Variants in NOVA1 observed in about 807,000 individuals in gnomAD.
NOVA1 encodes RNA-binding protein Nova-1.
A neutral mutation model predicts 38.0 loss-of-function variants in NOVA1; 7 were observed. That is an observed-to-expected ratio of 0.18 (90% CI 0.10 to 0.35). The LOEUF is 0.35. Among genes scored for constraint, NOVA1 ranks in the 10% least tolerant of loss-of-function variants. The probability of loss-of-function intolerance (pLI) is 1.00; values close to 1 mark genes in which losing one functional copy is unlikely to be tolerated. For missense variants in NOVA1, 460 were observed against 616.0 expected (o/e 0.75, Z 2.68); for synonymous variants, 270 against 232.5 (o/e 1.16, Z -1.47).
At chr14:26,580,091 A>G (rs1735385320) in intron 2 of NOVA1, among the ~76,000 whole-genome samples, 1 of 152,032 alleles carries the variant, frequency 6.6e-6, no homozygotes, top group African/African-American at 2.4e-5. Flanking sequence ...AGCAAAAAAA[A>G]AAGCTTTAAA....
intron 4 of NOVA1, among the ~76,000 whole-genome samples, chr14:26,458,654 T>C (rs1307802876): frequency 1.3e-5 from 2 of 151,878 alleles, no homozygotes; most frequent in Non-Finnish European, 2.9e-5. Context: ...CAATAGACAC[T>C]GGGACTCCCA....
intron 1 of NOVA1, 37 bp downstream of exon 1, chr14:26,597,264 G>A (rs1478703916): frequency 4.9e-6 from 6 of 1,232,680 alleles, no homozygotes; most frequent in Middle Eastern, 3.1e-4. Context: ...CGGGCGGCGG[G>A]GGATGGGGCC....
At chr14:26,595,354 A>C in intron 2 of NOVA1, 56 bp downstream of exon 2, 1 of 1,541,852 alleles carries the variant, frequency 6.5e-7, no homozygotes, top group Non-Finnish European at 8.8e-7. Flanking sequence ...CAACACAAGT[A>C]GATCTTTCTT....
intron 2 of NOVA1, among the ~76,000 whole-genome samples, chr14:26,564,493 T>C (rs555770773): frequency 2.6e-5 from 4 of 152,286 alleles, no homozygotes; most frequent in Non-Finnish European, 5.9e-5. Flanking sequence ...CTGGAGTTCA[T>C]GTGGATACTA....
chr14:26,560,440 A>T (rs178163), intron 2 of NOVA1, among the ~76,000 whole-genome samples: 141,715 of 152,158 alleles, frequency 0.93, 66,778 homozygotes, highest in East Asian at 1. Flanking sequence ...GTAACAGCAG[A>T]CTTCCTCAAT....
At chr14:26,541,153 G>T (rs7152361) in intron 2 of NOVA1, among the ~76,000 whole-genome samples, 219 of 152,192 alleles carry the variant, frequency 1.4e-3, no homozygotes, top group African/African-American at 5.0e-3. Context: ...TTCTGATTTG[G>T]GTTTTCAGGC....
At chr14:26,491,313 G>C (rs1349860248) in intron 2 of NOVA1, among the ~76,000 whole-genome samples, 1 of 152,072 alleles carries the variant, frequency 6.6e-6, no homozygotes, top group Non-Finnish European at 1.5e-5. Context: ...TATTCGTTGA[G>C]TTTTAGGAGT....
At chr14:26,555,314 A>G (rs1367109693) in intron 2 of NOVA1, among the ~76,000 whole-genome samples, 1 of 152,122 alleles carries the variant, frequency 6.6e-6, no homozygotes, top group Non-Finnish European at 1.5e-5. Context: ...TTAAGGTATC[A>G]GTATTTTACA....
intron 2 of NOVA1, among the ~76,000 whole-genome samples, chr14:26,553,134 T>C (rs1448247291): frequency 1.3e-5 from 2 of 152,184 alleles, no homozygotes; most frequent in Non-Finnish European, 2.9e-5. Flanking sequence ...ATAAAACTAC[T>C]AGGCAAGACA....
intron 2 of NOVA1, among the ~76,000 whole-genome samples, chr14:26,566,901 C>A (rs986216151): frequency 6.6e-6 from 1 of 152,092 alleles, no homozygotes; most frequent in Non-Finnish European, 1.5e-5. Context: ...AGAAATCAAT[C>A]CTTAGACAAA....
intron 2 of NOVA1, among the ~76,000 whole-genome samples, chr14:26,532,181 T>G (rs1889764515): frequency 6.6e-6 from 1 of 152,182 alleles, no homozygotes; most frequent in Non-Finnish European, 1.5e-5. Flanking sequence ...ATACCATTCC[T>G]AAGTATTTAC....
intron 2 of NOVA1, among the ~76,000 whole-genome samples, chr14:26,522,407 T>A (rs73601910): frequency 0.018 from 2,710 of 152,226 alleles, 72 homozygotes; most frequent in African/African-American, 0.062. Context: ...CAACAGGAAG[T>A]GTAACCTGTG....
chr14:26,460,213 GTTGA>G (rs894147838), intron 4 of NOVA1, among the ~76,000 whole-genome samples: 2 of 151,778 alleles, frequency 1.3e-5, no homozygotes, highest in Non-Finnish European at 2.9e-5. Flanking sequence ...GTAATGGGAG[GTTGA>G]TTATTTACTA....
Position 26,472,369 on chromosome 14 carries a change from G to A in NOVA1, c.470C>T (p.Thr157Ile). ...IKQTLPSSPT[T>I]TKSSPSDPMT... ...GGGATCAGATGGAGAGGACTTGGTG[G>A]TAGTTGGGGAAGATGGCAATGTCTG... is the stretch of plus-strand genomic sequence containing the variant. The change falls in exon 4 of 5, where the codon ACC becomes ATC. Residue 157 changes from threonine to isoleucine, a missense_variant. Coordinates refer to ENST00000539517, the MANE Select transcript of NOVA1 (RefSeq NM_002515.3). The A allele has an allele frequency of 1.9e-6, 3 of 1,555,330 alleles. No individual in the cohort carries two copies. Among genetic ancestry groups the A allele is most frequent in the Non-Finnish European group, 8.7e-7 (1 of 1,146,948 alleles).
At chr14:26,502,233 T>C (rs1015122502) in intron 2 of NOVA1, among the ~76,000 whole-genome samples, 5 of 151,912 alleles carry the variant, frequency 3.3e-5, no homozygotes, top group African/African-American at 9.7e-5. Context: ...GGATATTATA[T>C]GGATCATGTT....
At chr14:26,498,784 T>C (rs925304552) in intron 2 of NOVA1, among the ~76,000 whole-genome samples, 1 of 152,250 alleles carries the variant, frequency 6.6e-6, no homozygotes, top group Admixed American at 6.5e-5. Flanking sequence ...AAGAACATTT[T>C]CTTTGATTGA....
At chr14:26,470,106 T>C (rs1214759044) in intron 4 of NOVA1, 7 of 584,064 alleles carry the variant, frequency 1.2e-5, no homozygotes, top group Non-Finnish European at 1.6e-5. Context: ...CAGATCAAAC[T>C]TACTCTTTGA....
chr14:26,550,551 C>A (rs1023868325), intron 2 of NOVA1, among the ~76,000 whole-genome samples: 2 of 152,070 alleles, frequency 1.3e-5, no homozygotes, highest in Admixed American at 6.6e-5. Flanking sequence ...ACTACAACAA[C>A]CTGTCCACAC....
At position 26,445,241 on chromosome 14, in the gene NOVA1, C is replaced by G. The variant is rs1881982363; in HGVS notation, c.*2718G>C. ...CAGCTGAACAGCCATTGTTACATGC[C>G]TACCTGTGGCAGTTTGAAGCCATAC... is the stretch of plus-strand genomic sequence containing the variant. On this transcript the variant is annotated 3_prime_UTR_variant, in exon 5 of 5. Coordinates refer to ENST00000539517, the MANE Select transcript of NOVA1 (RefSeq NM_002515.3). The G allele has an allele frequency of 6.6e-6, 1 of 152,148 alleles. No homozygotes were observed. Among genetic ancestry groups the G allele is most frequent in the South Asian group, 2.1e-4 (1 of 4,826 alleles). The allele number at this position is 152,148 out of a possible 1,614,324, so 9.4% of individuals were successfully genotyped here. A position where few individuals can be genotyped will look rare whatever the true frequency, so the allele number is the denominator to read the frequency against.
Sources: gnomAD v4.1 joint callset for allele counts (sites outside exome capture counted in the v4.1 genomes callset) on GRCh38, gnomAD v4.1.1 for gene constraint, MANE v1.5 for transcripts, NCBI Gene and HGNC (gene_info 2026-07-23, HGNC 2026-07-21) for gene names.